Variants in SESN3 observed in about 807,000 individuals in gnomAD.
SESN3 encodes the protein sestrin-3.
In SESN3, 21 loss-of-function variants were observed where a neutral mutation model predicts 55.3. The observed-to-expected ratio is 0.38, with a 90% CI of 0.27 to 0.55. The LOEUF (loss-of-function observed/expected upper bound fraction) is 0.55. Among genes scored for constraint, SESN3 ranks in the 20% least tolerant of loss-of-function variants. The pLI is 0.76. For missense variants in SESN3, 408 were observed against 604.3 expected, an observed-to-expected ratio of 0.68 and a Z score of 3.41; for synonymous variants, 181 against 203.1, an observed-to-expected ratio of 0.89 and a Z score of 0.93.
Position 95,231,061 on chromosome 11 carries a change from G to T in SESN3, c.-201C>A. The stretch of plus-strand genomic sequence containing the variant: ...CGACCACCGCGGCAGCTGCCCCAGC[G>T]ACGGCGGAGACGGCGGCGGCTGCTC... On this transcript the variant is annotated 5_prime_UTR_variant, in exon 1 of 10. Coordinates refer to ENST00000536441, the MANE Select transcript of SESN3 (RefSeq NM_144665.4). The T allele has an allele frequency of 2.4e-6, 1 of 415,236 alleles. No homozygotes were observed. The highest frequency in any genetic ancestry group is 8.4e-5 in the South Asian group (1 of 11,858). The allele number at this position is 415,236 out of a possible 1,614,324, so 25.7% of individuals were successfully genotyped here. A position where few individuals can be genotyped will look rare whatever the true frequency, so the allele number is the denominator to read the frequency against.
At chr11:95,211,489 A>C (rs1860654176) in intron 1 of SESN3, among the ~76,000 whole-genome samples, 1 of 152,142 alleles carries the variant, frequency 6.6e-6, no homozygotes, top group African/African-American at 2.4e-5. Context: ...TCATCTATAC[A>C]ACTATAAAAG....
intron 9 of SESN3, among the ~76,000 whole-genome samples, chr11:95,173,708 CA>C (rs1461301707): frequency 6.7e-6 from 1 of 149,220 alleles, no homozygotes; most frequent in Admixed American, 6.7e-5. Context: ...TTTTTTTTAA[CA>C]GTTTATGCTT....
chr11:95,217,805 C>G (rs894976177), intron 1 of SESN3, among the ~76,000 whole-genome samples: 3 of 152,130 alleles, frequency 2.0e-5, no homozygotes, highest in African/African-American at 4.8e-5. Context: ...TATACTGATG[C>G]TTTCACAAAT....
chr11:95,216,868 G>A (rs1338798721), intron 1 of SESN3, among the ~76,000 whole-genome samples: 2 of 152,080 alleles, frequency 1.3e-5, no homozygotes, highest in Non-Finnish European at 2.9e-5. Context: ...AGCACTTTGG[G>A]AGGCTGAGGC....
At chr11:95,205,624 TACTA>T (rs953408423) in intron 1 of SESN3, among the ~76,000 whole-genome samples, 1 of 152,160 alleles carries the variant, frequency 6.6e-6, no homozygotes, top group Non-Finnish European at 1.5e-5. Context: ...TTTAGGTTGA[TACTA>T]GCAATCCAGG....
upstream of SESN3, chr11:95,231,408 C>A (rs77749449): frequency 2.4e-3 from 831 of 348,364 alleles, 14 homozygotes; most frequent in East Asian, 0.033. Flanking sequence ...CTCCGAGGCT[C>A]GGAACTGAAG....
chr11:95,192,808 A>G (rs983785943), intron 2 of SESN3, among the ~76,000 whole-genome samples: 50 of 152,142 alleles, frequency 3.3e-4, no homozygotes, highest in African/African-American at 1.1e-3. Context: ...TACAGGGACC[A>G]AGACAGTTAA....
At position 95,170,655 on chromosome 11, in the gene SESN3, A is replaced by C. The variant is rs1319519747; in HGVS notation, c.*2600T>G. On this transcript the variant is annotated 3_prime_UTR_variant, in exon 10 of 10. Transcript: ENST00000536441. ...AGAATTTCAAGTTTGCATTGGATAA[A>C]GAGAGTTAACAGCAAACTCGTTGTA... 3 of 152,226 alleles carry C rather than the reference A, an allele frequency of 2.0e-5. No homozygotes were observed. Among genetic ancestry groups the C allele is most frequent in the Admixed American group, 1.3e-4 (2 of 15,284 alleles). 9.4% of individuals were successfully genotyped at this position (152,226 alleles called of 1,614,324 possible). A position where few individuals can be genotyped will look rare whatever the true frequency, so the allele number is the denominator to read the frequency against.
chr11:95,165,598 A>C lies in SESN3; in HGVS notation c.*7657T>G, dbSNP rs1859729544. 1 of 152,172 alleles carries C rather than the reference A, an allele frequency of 6.6e-6. No individual in the cohort carries two copies. The highest frequency in any genetic ancestry group is 2.4e-5 in the African/African-American group (1 of 41,444). The allele number at this position is 152,172 out of a possible 1,614,324, so 9.4% of individuals were successfully genotyped here. The stretch of plus-strand genomic sequence containing the variant: ...ATAAAATTCCTACTAATAACAATGA[A>C]ATAAATTTCTGCAAGTATAAATGTG... On this transcript the variant is annotated 3_prime_UTR_variant, in exon 10 of 10. Transcript: ENST00000536441.
At chr11:95,184,621 T>G in intron 5 of SESN3, 27 bp from the exon 6 acceptor site, 21 of 1,599,946 alleles carry the variant, frequency 1.3e-5, no homozygotes, top group Non-Finnish European at 1.8e-5. Flanking sequence ...TAATGTTGGG[T>G]GCTATTCATA....
chr11:95,201,927 AT>A (rs977393439), intron 1 of SESN3, among the ~76,000 whole-genome samples: 3 of 152,032 alleles, frequency 2.0e-5, no homozygotes, highest in African/African-American at 7.2e-5. Context: ...AATTAGATAT[AT>A]TTGAACCAGT....
In SESN3 at chr11:95,175,549, A is replaced by C; in HGVS notation, c.1341T>G (p.Thr447=). 6.2e-7 allele frequency: 1 copy of C among 1,613,950 alleles called. No individual in the cohort carries two copies. The highest frequency in any genetic ancestry group is 8.5e-7 in the Non-Finnish European group (1 of 1,179,860). ...AGTAACTATCATACATGCGTTTTGT[A>C]GTTCTCTCAGGATAGCAGGTCACTG... ...IKTVTCYPER[T]TKRMYDSYWR... Residue 447 remains threonine, a synonymous_variant, in exon 9 of 10, where the codon ACT becomes ACG. Coordinates refer to ENST00000536441, the MANE Select transcript of SESN3 (RefSeq NM_144665.4).
At chr11:95,194,434 T>G (rs1427205559) in intron 1 of SESN3, among the ~76,000 whole-genome samples, 1 of 152,098 alleles carries the variant, frequency 6.6e-6, no homozygotes, top group Non-Finnish European at 1.5e-5. Context: ...ACGATTTTTT[T>G]GAGAGCCTAA....
Position 95,190,359 on chromosome 11 carries a change from CT to C in SESN3, c.343-399del, listed in dbSNP as rs1860243775. On this transcript the variant is annotated intron_variant, in intron 3 of 9. Coordinates refer to ENST00000536441, the MANE Select transcript of SESN3 (RefSeq NM_144665.4). Reference sequence around the variant, plus strand: ...GATTCATCCTAATTTGATTACTTCTCTTATCCTCTTTAAGATAAATGTGACT... The same window carrying C: ...GATTCATCCTAATTTGATTACTTCTCTATCCTCTTTAAGATAAATGTGACT... Among the ~76,000 whole-genome samples the C allele has an allele frequency of 2.0e-5, 3 of 152,024 alleles. No individual in the cohort carries two copies. In the South Asian group the frequency reaches 6.2e-4, roughly 32 times the overall value.
chr11:95,190,389 G>A (rs962955720), intron 3 of SESN3, among the ~76,000 whole-genome samples: 3 of 151,834 alleles, frequency 2.0e-5, no homozygotes, highest in Admixed American at 2.0e-4. Context: ...TGTGACTGCA[G>A]TCATATTTGT....
Position 95,196,930 on chromosome 11 carries a change from G to C in SESN3, c.79-3408C>G, listed in dbSNP as rs147754423. Among the ~76,000 whole-genome samples, 442 of 152,270 alleles carry C rather than the reference G, an allele frequency of 2.9e-3. 4 individuals are homozygous for C. Among genetic ancestry groups the C allele is most frequent in the African/African-American group, 9.8e-3 (408 of 41,556 alleles). ...CACACCTACTCAATCCCAGAACCAA[G>C]CATTTTAGTGTAATTGCAGAAATGC... is the stretch of plus-strand genomic sequence containing the variant. On this transcript the variant is annotated intron_variant, in intron 1 of 9. Transcript: ENST00000536441.
At position 95,166,062 on chromosome 11, in the gene SESN3, G is replaced by C. The variant is rs1180847067; in HGVS notation, c.*7193C>G. On this transcript the variant is annotated 3_prime_UTR_variant, in exon 10 of 10. Transcript: ENST00000536441. ...TTGCCAGAACAAGTTTAAAGTGGCTGTTTATTAAGTTTGCTATTTTCAGAA... is the reference window on the plus strand; with the variant it reads ...TTGCCAGAACAAGTTTAAAGTGGCTCTTTATTAAGTTTGCTATTTTCAGAA... 6.6e-6 allele frequency: 1 copy of C among 152,154 alleles called. No individual in the cohort carries two copies. The highest frequency in any genetic ancestry group is 1.5e-5 in the Non-Finnish European group (1 of 68,020). The allele number at this position is 152,154 out of a possible 1,614,324, so 9.4% of individuals were successfully genotyped here.
At chr11:95,188,989 T>C (rs1860216539) in intron 4 of SESN3, among the ~76,000 whole-genome samples, 1 of 151,932 alleles carries the variant, frequency 6.6e-6, no homozygotes, top group Non-Finnish European at 1.5e-5. Flanking sequence ...AGTATGCAGA[T>C]TGATAAATGC....
At chr11:95,218,497 G>A (rs1019494534) in intron 1 of SESN3, among the ~76,000 whole-genome samples, 2 of 152,144 alleles carry the variant, frequency 1.3e-5, no homozygotes, top group East Asian at 1.9e-4. Flanking sequence ...AATGTTTATA[G>A]CCTTAACATT....
Sources: allele counts gnomAD v4.1 joint callset (sites outside exome capture counted in the v4.1 genomes callset), GRCh38; gene constraint gnomAD v4.1.1; transcripts MANE v1.5; gene names NCBI Gene and HGNC (gene_info 2026-07-23, HGNC 2026-07-21).